Variants in SPATA21 observed in about 807,000 individuals in gnomAD.
SPATA21 encodes the protein spermatogenesis-associated protein 21.
A neutral mutation model predicts 54.8 loss-of-function variants in SPATA21; 47 were observed. That is an observed-to-expected ratio of 0.86 (90% CI 0.68 to 1.09). The LOEUF (loss-of-function observed/expected upper bound fraction) is 1.09, where lower values mean the gene tolerates loss of function less well. Ranked by LOEUF, SPATA21 falls within the 50% of genes least tolerant of loss-of-function variation. The pLI, the probability that SPATA21 is intolerant of heterozygous loss-of-function variation, is 0.00. For synonymous variants in SPATA21, 245 were observed against 235.3 expected, an observed-to-expected ratio of 1.04 and a Z score of -0.38; for missense variants, 599 against 596.4, an observed-to-expected ratio of 1.00 and a Z score of -0.05.
At chr1:16,411,760 A>G (rs1198916417) in intron 5 of SPATA21, among the ~76,000 whole-genome samples, 1 of 145,602 alleles carries the variant, frequency 6.9e-6, no homozygotes, top group Non-Finnish European at 1.5e-5. Context: ...ATTGCACTCC[A>G]GCCTGGGTGA....
chr1:16,428,147 G>A lies in SPATA21; in HGVS notation c.34+3191C>T. ...GGAGATCCTGTGCCTGATTGGGGAA[G>A]CTGTTGGAGAGGGGTGAGCAGGAGC... On this transcript the variant is annotated intron_variant, in intron 3 of 12. Transcript: ENST00000335496. This position sits in a 1 kb window ranked among gnomAD's most constrained non-coding sequence, Gnocchi z 4.3. The A allele has an allele frequency of 1.6e-6, 2 of 1,250,618 alleles. No individual in the cohort carries two copies. Among genetic ancestry groups the A allele is most frequent in the Non-Finnish European group, 2.2e-6 (2 of 929,080 alleles). The allele number at this position is 1,250,618 out of a possible 1,614,324, so 77.5% of individuals were successfully genotyped here.
chr1:16,404,065 G>T, intron 8 of SPATA21, 26 bp from the exon 9 acceptor site: 1 of 1,549,818 alleles, frequency 6.5e-7, no homozygotes, highest in South Asian at 1.2e-5. Context: ...GAGTAGGGTG[G>T]GCAGGGACCT....
chr1:16,398,231 C>G, downstream of SPATA21: 1 of 163,382 alleles, frequency 6.1e-6, no homozygotes, highest in Non-Finnish European at 1.3e-5. Context: ...CTGCCCAGTC[C>G]CAGGGAAAGA....
intron 5 of SPATA21, among the ~76,000 whole-genome samples, chr1:16,412,222 C>T (rs2085872306): frequency 6.6e-6 from 1 of 152,116 alleles, no homozygotes; most frequent in East Asian, 1.9e-4. Flanking sequence ...CATCCTGCTG[C>T]CCATGACTCC....
intron 10 of SPATA21, among the ~76,000 whole-genome samples, chr1:16,402,273 T>G (rs1432800882): frequency 7.2e-6 from 1 of 138,334 alleles, no homozygotes; most frequent in Non-Finnish European, 1.6e-5. Context: ...TTTTTTTTTT[T>G]TTTTTGAGAT....
At chr1:16,433,262 C>G (rs1346277562) in intron 1 of SPATA21, among the ~76,000 whole-genome samples, 2 of 152,238 alleles carry the variant, frequency 1.3e-5, no homozygotes, top group Non-Finnish European at 2.9e-5. Context: ...GCCCTCCAGG[C>G]CCTTCCTGCA....
Position 16,409,547 on chromosome 1 carries a change from G to C in SPATA21, c.587+54C>G. ...GACAGGGACCTGCATCCGGGACAAG[G>C]CTCTGATCTTGGGGCCTTTCAGGAG... On this transcript the variant is annotated intron_variant, in intron 6 of 12. Transcript: ENST00000335496. The surrounding 1 kb of genome is among the most constrained non-coding windows in gnomAD (Gnocchi z 4.1). The C allele has an allele frequency of 6.4e-7, 1 of 1,553,210 alleles. No homozygotes were observed. The highest frequency in any genetic ancestry group is 1.2e-5 in the South Asian group (1 of 84,798).
chr1:16,411,811 A>G (rs11260749), intron 5 of SPATA21, among the ~76,000 whole-genome samples: 84,817 of 135,778 alleles, frequency 0.62, 27,572 homozygotes, highest in East Asian at 0.92. Context: ...AAAAAAAACA[A>G]AACAAAACAA....
chr1:16,420,448 TG>T (rs2086138462), intron 5 of SPATA21, among the ~76,000 whole-genome samples: 1 of 150,324 alleles, frequency 6.7e-6, no homozygotes, highest in African/African-American at 2.5e-5. Flanking sequence ...ACCCGGGAGG[TG>T]GAGGTTGCAG....
At chr1:16,408,859 G>T (rs564281107) in intron 7 of SPATA21, among the ~76,000 whole-genome samples, 68 of 120,640 alleles carry the variant, frequency 5.6e-4, no homozygotes, top group African/African-American at 2.2e-3. Flanking sequence ...GACAGAGCGA[G>T]ACTCTGTCTC....
intron 5 of SPATA21, among the ~76,000 whole-genome samples, chr1:16,411,651 G>A (rs1349507590): frequency 2.6e-5 from 4 of 151,934 alleles, no homozygotes; most frequent in African/African-American, 9.7e-5. Context: ...TTCGCCGGGT[G>A]TGGTGGCAGG....
chr1:16,417,880 G>A (rs939905157), intron 5 of SPATA21, among the ~76,000 whole-genome samples: 5 of 152,152 alleles, frequency 3.3e-5, no homozygotes, highest in East Asian at 1.9e-4. Flanking sequence ...GGCCCTGGGC[G>A]CCCTTTCTAC....
At chr1:16,426,573 ATATATAT>A (rs1183715247) in intron 3 of SPATA21, among the ~76,000 whole-genome samples, 35 of 115,530 alleles carry the variant, frequency 3.0e-4, no homozygotes, top group Middle Eastern at 4.2e-3. Context: ...ATATATATAT[ATATATAT>A]TTTTTTTTTT....
chr1:16,431,445 C>A, intron 2 of SPATA21, 23 bp from the exon 3 acceptor site: 1 of 1,595,064 alleles, frequency 6.3e-7, no homozygotes, highest in Admixed American at 1.7e-5. Context: ...TCCAATCAAG[C>A]GTCCCACCAA....
chr1:16,429,122 A>G (rs1425974505), intron 3 of SPATA21, among the ~76,000 whole-genome samples: 1 of 151,950 alleles, frequency 6.6e-6, no homozygotes, highest in Non-Finnish European at 1.5e-5. Flanking sequence ...TACAGGGAAC[A>G]TACCCAAGGG....
intron 7 of SPATA21, 115 bp from the exon 8 acceptor site, chr1:16,405,219 T>C (rs2085593750): frequency 7.0e-7 from 1 of 1,427,026 alleles, no homozygotes; most frequent in Admixed American, 2.8e-5. Flanking sequence ...GAAAATAAAA[T>C]TGCTGGGTGC....
intron 5 of SPATA21, among the ~76,000 whole-genome samples, chr1:16,418,444 T>G (rs564290667): frequency 3.3e-4 from 46 of 139,264 alleles, no homozygotes; most frequent in African/African-American, 1.1e-3. Context: ...GCTAATTTTT[T>G]TGTATTTTTA....
intron 8 of SPATA21, 76 bp downstream of exon 8, chr1:16,404,891 T>A: frequency 7.0e-7 from 1 of 1,423,314 alleles, no homozygotes; most frequent in East Asian, 2.5e-5. Context: ...GTGCAGAGCC[T>A]CATGCAACTG....
chr1:16,419,646 G>A (rs991524617), intron 5 of SPATA21, among the ~76,000 whole-genome samples: 4 of 152,142 alleles, frequency 2.6e-5, no homozygotes, highest in Non-Finnish European at 4.4e-5. Context: ...GGAATTTAAA[G>A]GCAAGGTCTA....
Sources: allele counts gnomAD v4.1 joint callset (sites outside exome capture counted in the v4.1 genomes callset), GRCh38; gene constraint gnomAD v4.1.1; non-coding constraint Gnocchi (gnomAD v3.1); transcripts MANE v1.5; gene names NCBI Gene and HGNC (gene_info 2026-07-23, HGNC 2026-07-21).